Variants in LMNA observed in about 807,000 individuals in gnomAD.
LMNA encodes lamin A/C, also known as lamin.
LMNA carries 20 observed loss-of-function variants against 70.4 expected under a neutral mutation model. The ratio of observed to expected loss-of-function variants is 0.28; its 90% CI spans 0.20 to 0.41. The LOEUF (loss-of-function observed/expected upper bound fraction) is 0.41. Ranked by LOEUF, LMNA falls within the 10% of genes least tolerant of loss-of-function variation. The pLI, the probability that LMNA is intolerant of heterozygous loss-of-function variation, is 1.00. For missense variants in LMNA, 652 were observed against 917.2 expected (o/e 0.71, Z 3.73); for synonymous variants, 339 against 372.8 (o/e 0.91, Z 1.04).
chr1:156,137,276 C>G lies in LMNA; in HGVS notation c.1608+44C>G, dbSNP rs1368665522. Reference sequence around the variant, plus strand: ...GGCTGCTTGCTGGACGAGGCTCCCCCTGATGGCCAACATCGGAGCCAGCTG... The same window carrying G: ...GGCTGCTTGCTGGACGAGGCTCCCCGTGATGGCCAACATCGGAGCCAGCTG... On this transcript the variant is annotated intron_variant, in intron 9 of 11. Transcript: ENST00000368300. The surrounding 1 kb of genome is among the most constrained non-coding windows in gnomAD (Gnocchi z 4.6). 2.5e-5 allele frequency: 38 copies of G among 1,541,190 alleles called. No homozygotes were observed. The highest frequency in any genetic ancestry group is 3.3e-5 in the Non-Finnish European group (38 of 1,148,732).
In LMNA at chr1:156,136,442, C is replaced by G. The variant is rs1187732494; in HGVS notation, c.1380+6C>G. The G allele has an allele frequency of 6.4e-7, 1 of 1,564,762 alleles. No individual in the cohort carries two copies. On this transcript the variant is annotated splice_donor_region_variant and intron_variant, in intron 7 of 11. Transcript: ENST00000368300. This position sits in a 1 kb window ranked among gnomAD's most constrained non-coding sequence, Gnocchi z 6.1. ...TGCGCAACAAGTCCAATGAGGTAGG[C>G]TCCTGCTCAGGGTCTAAGGGGATAC... is the stretch of plus-strand genomic sequence containing the variant.
intron 2 of LMNA, among the ~76,000 whole-genome samples, chr1:156,084,695 C>T (rs939292817): frequency 6.6e-6 from 1 of 152,184 alleles, no homozygotes; most frequent in African/African-American, 2.4e-5. Flanking sequence ...CTATCTTTCA[C>T]ATAAATAGAA....
Position 156,126,307 on chromosome 1 carries a change from C to T in LMNA, c.357-4310C>T, listed in dbSNP as rs1030150761. 3 of 1,071,608 alleles carry T rather than the reference C, an allele frequency of 2.8e-6. No homozygotes were observed. The South Asian group carries it at 4.9e-5, about 17-fold the overall frequency. 66.4% of individuals were successfully genotyped at this position (1,071,608 alleles called of 1,614,324 possible). A position where few individuals can be genotyped will look rare whatever the true frequency, so the allele number is the denominator to read the frequency against. ...TCCACCTCCCCTTTGTCTTCCCCTC[C>T]CACTTGTTATTTTTAGCTACAGTGT... On this transcript the variant is annotated intron_variant, in intron 1 of 11. Transcript: ENST00000368300.
Position 156,135,397 on chromosome 1 carries a change from G to C in LMNA, c.936+85G>C, listed in dbSNP as rs548158116. 50 of 1,451,318 alleles carry C rather than the reference G, an allele frequency of 3.4e-5. 1 individual carries two copies. In the Admixed American group the frequency reaches 4.5e-4, roughly 13 times the overall value. 89.9% of individuals were successfully genotyped at this position (1,451,318 alleles called of 1,614,324 possible). A position where few individuals can be genotyped will look rare whatever the true frequency, so the allele number is the denominator to read the frequency against. On this transcript the variant is annotated intron_variant, in intron 5 of 11. Coordinates refer to ENST00000368300, the MANE Select transcript of LMNA (RefSeq NM_170707.4). The surrounding 1 kb of genome is among the most constrained non-coding windows in gnomAD (Gnocchi z 4.8). ...GAAGCCCAGGGTTGGGGGTGGGGGT[G>C]GGGGTGGGAGGTTCCTGAGGAGGAG...
At chr1:156,116,970 G>A (rs1241179456) in intron 1 of LMNA, among the ~76,000 whole-genome samples, 1 of 150,528 alleles carries the variant, frequency 6.6e-6, no homozygotes, top group Non-Finnish European at 1.5e-5. Flanking sequence ...CTGGAGTGAA[G>A]TGGTGCGATC....
At chr1:156,133,369 G>A (rs908844936) in intron 2 of LMNA, among the ~76,000 whole-genome samples, 1 of 151,568 alleles carries the variant, frequency 6.6e-6, no homozygotes, top group Non-Finnish European at 1.5e-5. Flanking sequence ...TCAGGAGATC[G>A]AGACTATCCT....
intron 1 of LMNA, chr1:156,127,028 GTC>G: frequency 1.0e-6 from 1 of 979,568 alleles, no homozygotes. Context: ...GCCCCACCCT[GTC>G]CTCCCTGCCA....
chr1:156,102,993 G>C (rs531196221), intron 3 of LMNA, among the ~76,000 whole-genome samples: 2 of 152,216 alleles, frequency 1.3e-5, no homozygotes, highest in South Asian at 4.1e-4. Context: ...CTGTTGCAGA[G>C]GCACTGAGAA....
chr1:156,135,518 C>A lies in LMNA; in HGVS notation c.936+206C>A. On this transcript the variant is annotated intron_variant, in intron 5 of 11. Coordinates refer to ENST00000368300, the MANE Select transcript of LMNA (RefSeq NM_170707.4). This position sits in a 1 kb window ranked among gnomAD's most constrained non-coding sequence, Gnocchi z 4.8. Reference sequence around the variant, plus strand: ...TTTCTGTACACTCTTACCTCACCTTCACTTCTCAGGGCTTTGGTTTTCCCA... The same window carrying A: ...TTTCTGTACACTCTTACCTCACCTTAACTTCTCAGGGCTTTGGTTTTCCCA... 1.5e-6 allele frequency: 1 copy of A among 674,168 alleles called. No individual in the cohort carries two copies. The highest frequency in any genetic ancestry group is 2.5e-6 in the Non-Finnish European group (1 of 392,556). The allele number at this position is 674,168 out of a possible 1,614,324, so 41.8% of individuals were successfully genotyped here.
Position 156,115,334 on chromosome 1 carries a change from C to A in LMNA, c.356+60C>A. ...GAGTGGAGAGGGCGGCGGGCCGGCG[C>A]CCCTGGCCGGCCGCAGGAAGGGAGT... is the stretch of plus-strand genomic sequence containing the variant. On this transcript the variant is annotated intron_variant, in intron 1 of 11. Transcript: ENST00000368300. This position sits in a 1 kb window ranked among gnomAD's most constrained non-coding sequence, Gnocchi z 5.8. 1.4e-6 allele frequency: 2 copies of A among 1,466,438 alleles called. No homozygotes were observed. The highest frequency in any genetic ancestry group is 1.9e-6 in the Non-Finnish European group (2 of 1,077,534). The allele number at this position is 1,466,438 out of a possible 1,614,324, so 90.8% of individuals were successfully genotyped here.
chr1:156,137,290 C>A lies in LMNA; in HGVS notation c.1608+58C>A. ...CGAGGCTCCCCCTGATGGCCAACAT[C>A]GGAGCCAGCTGCCCCCAACCCAAGT... On this transcript the variant is annotated intron_variant, in intron 9 of 11. Transcript: ENST00000368300. The surrounding 1 kb of genome is among the most constrained non-coding windows in gnomAD (Gnocchi z 4.6). The A allele has an allele frequency of 6.5e-7, 1 of 1,536,690 alleles. No homozygotes were observed. Among genetic ancestry groups the A allele is most frequent in the South Asian group, 1.2e-5 (1 of 83,838 alleles).
chr1:156,084,329 G>GGGGGGA (rs1648394701), intron 2 of LMNA, among the ~76,000 whole-genome samples: 1 of 10,796 alleles, frequency 9.3e-5, no homozygotes, highest in Non-Finnish European at 1.8e-4. Flanking sequence ...TCAGAAGGTC[G>GGGGGGA]GGGGGTGGTG....
chr1:156,091,571 C>T (rs1648704802), intron 3 of LMNA, among the ~76,000 whole-genome samples: 1 of 152,122 alleles, frequency 6.6e-6, no homozygotes, highest in Admixed American at 6.5e-5. Flanking sequence ...CACTGCACTC[C>T]AGCCTGGGCA....
chr1:156,140,045 T>A lies in LMNA; in HGVS notation c.*939T>A. The A allele has an allele frequency of 1.9e-6, 1 of 517,964 alleles. No individual in the cohort carries two copies. Among genetic ancestry groups the A allele is most frequent in the Non-Finnish European group, 3.4e-6 (1 of 292,916 alleles). The allele number at this position is 517,964 out of a possible 1,614,324, so 32.1% of individuals were successfully genotyped here. ...CCTCCCCATTTCCCATCTGCACCCC[T>A]TCTCTCCTCCCCAAATCAATACACT... On this transcript the variant is annotated 3_prime_UTR_variant, in exon 12 of 12. Transcript: ENST00000368300.
rs1651826764 is a variant in LMNA at position 156,138,112 on chromosome 1, A to AT, written c.1699-371dup. The AT allele has an allele frequency of 1.9e-6, 1 of 516,022 alleles. No individual in the cohort carries two copies. Among genetic ancestry groups the AT allele is most frequent in the Admixed American group, 3.2e-5 (1 of 30,772 alleles). The allele number at this position is 516,022 out of a possible 1,614,324, so 32.0% of individuals were successfully genotyped here. A position where few individuals can be genotyped will look rare whatever the true frequency, so the allele number is the denominator to read the frequency against. On this transcript the variant is annotated intron_variant, in intron 10 of 11. Transcript: ENST00000368300. The surrounding 1 kb of genome is among the most constrained non-coding windows in gnomAD (Gnocchi z 5.5). Reference sequence around the variant, plus strand: ...GCATGCATATCCTCTCATTTCCCTCATTTTTCCTGCAAGAATGTTCTCTCT... The same window carrying AT: ...GCATGCATATCCTCTCATTTCCCTCATTTTTTCCTGCAAGAATGTTCTCTCT...
rs1362605585 is a variant in LMNA, at chr1:156,124,909, T to C, written c.357-5708T>C. ...AGACACGCTTCCCAGACTGTCTTACTGGGTCTCTCTGTGTTATTCTCTGCA... is the reference window on the plus strand; with the variant it reads ...AGACACGCTTCCCAGACTGTCTTACCGGGTCTCTCTGTGTTATTCTCTGCA... On this transcript the variant is annotated intron_variant, in intron 1 of 11. Transcript: ENST00000368300. 5.9e-5 allele frequency among the ~76,000 whole-genome samples: 9 copies of C among 152,220 alleles called. No individual in the cohort carries two copies. In the East Asian group the frequency reaches 1.7e-3, roughly 29 times the overall value.
Position 156,136,889 on chromosome 1 carries a change from C to G in LMNA, c.1381-32C>G. ...ACACCCAAGAGCCTGGGTGAGCCTC[C>G]CCGACCTTCCTCTTCCCTATCTTCC... On this transcript the variant is annotated intron_variant, in intron 7 of 11. Transcript: ENST00000368300. This position sits in a 1 kb window ranked among gnomAD's most constrained non-coding sequence, Gnocchi z 6.1. The G allele has an allele frequency of 6.3e-7, 1 of 1,592,730 alleles. No homozygotes were observed. The highest frequency in any genetic ancestry group is 1.1e-5 in the South Asian group (1 of 89,002).
chr1:156,127,526 T>G (rs1025058537), intron 1 of LMNA, among the ~76,000 whole-genome samples: 9 of 138,878 alleles, frequency 6.5e-5, no homozygotes, highest in African/African-American at 2.2e-4. Flanking sequence ...TTTTTTTTTT[T>G]TTTTTTTTTT....
chr1:156,127,299 A>G (rs969807669), intron 1 of LMNA, among the ~76,000 whole-genome samples: 8 of 152,106 alleles, frequency 5.3e-5, no homozygotes, highest in Non-Finnish European at 1.0e-4. Flanking sequence ...CAGAGCTCCC[A>G]AGGTCTGAGT....
Sources: allele counts gnomAD v4.1 joint callset (sites outside exome capture counted in the v4.1 genomes callset), GRCh38; gene constraint gnomAD v4.1.1; non-coding constraint Gnocchi (gnomAD v3.1); transcripts MANE v1.5; gene names NCBI Gene and HGNC (gene_info 2026-07-23, HGNC 2026-07-21).